The following AUTS2 variants were observed in gnomAD, a reference collection of about 807,000 sequenced individuals.
AUTS2 encodes autism susceptibility gene 2 protein.
Under a neutral mutation model 112.4 loss-of-function variants are expected in AUTS2, and 17 were observed. The observed-to-expected ratio is 0.15, with a 90% confidence interval of 0.10 to 0.23. The LOEUF (loss-of-function observed/expected upper bound fraction) is 0.23. AUTS2 is among the 10% of genes least tolerant of loss of function. The pLI is 1.00. For synonymous variants in AUTS2, 751 were observed against 702.7 expected (o/e 1.07, Z -1.09); for missense variants, 1,510 against 1,701.6 (o/e 0.89, Z 1.98).
At chr7:70,504,905 C>A (rs185860236) in intron 5 of AUTS2, among the ~76,000 whole-genome samples, 209 of 152,328 alleles carry the variant, frequency 1.4e-3, no homozygotes, top group African/African-American at 4.9e-3. Flanking sequence ...TGATTGATAA[C>A]ATTCTACCTT....
chr7:69,911,417 G>A (rs1485661963), intron 2 of AUTS2, among the ~76,000 whole-genome samples: 3 of 152,218 alleles, frequency 2.0e-5, no homozygotes, highest in African/African-American at 7.2e-5. Flanking sequence ...ACTGCAACGT[G>A]GCGAGCAGGG....
intron 6 of AUTS2, among the ~76,000 whole-genome samples, chr7:70,711,043 C>A (rs918298800): frequency 6.6e-6 from 1 of 152,182 alleles, no homozygotes; most frequent in East Asian, 1.9e-4. Flanking sequence ...GCCATTTCCC[C>A]GCTGGTCTTG....
intron 3 of AUTS2, among the ~76,000 whole-genome samples, chr7:70,121,795 T>C (rs1376643612): frequency 6.6e-6 from 1 of 152,106 alleles, no homozygotes; most frequent in African/African-American, 2.4e-5. Flanking sequence ...CTGAAACATA[T>C]AATTACCATA....
At chr7:70,643,044 T>C (rs1459873333) in intron 5 of AUTS2, among the ~76,000 whole-genome samples, 1 of 152,260 alleles carries the variant, frequency 6.6e-6, no homozygotes, top group Non-Finnish European at 1.5e-5. Context: ...GGTTTTGTGA[T>C]ATTCCCGTCT....
At chr7:70,571,249 C>A (rs1003252530) in intron 5 of AUTS2, among the ~76,000 whole-genome samples, 1 of 152,130 alleles carries the variant, frequency 6.6e-6, no homozygotes, top group Non-Finnish European at 1.5e-5. Context: ...GGGTGGATTT[C>A]TCTCTGTGAC....
chr7:70,777,027 G>A (rs557018465), intron 13 of AUTS2, 76 bp from the exon 14 acceptor site: 4 of 1,465,096 alleles, frequency 2.7e-6, no homozygotes, highest in East Asian at 4.5e-5. Context: ...AAAATCTGCT[G>A]AAAGCTTTGG....
intron 2 of AUTS2, among the ~76,000 whole-genome samples, chr7:69,927,186 T>TTATATATATA (rs67558137): frequency 0.031 from 4,475 of 142,296 alleles, 96 homozygotes; most frequent in Non-Finnish European, 0.048. Context: ...TCCAATATAT[T>TTATATATATA]TATATATATA....
At chr7:69,989,713 T>G (rs1798661642) in intron 2 of AUTS2, among the ~76,000 whole-genome samples, 1 of 152,130 alleles carries the variant, frequency 6.6e-6, no homozygotes, top group African/African-American at 2.4e-5. Flanking sequence ...ACATCTGTTT[T>G]CCCTAGAGAA....
intron 4 of AUTS2, among the ~76,000 whole-genome samples, chr7:70,327,406 GT>G (rs1790541702): frequency 6.6e-6 from 1 of 152,154 alleles, no homozygotes; most frequent in East Asian, 1.9e-4. Context: ...CATGAGTTTT[GT>G]GGGAGCTGGA....
chr7:70,287,687 T>C (rs556985559), intron 4 of AUTS2, among the ~76,000 whole-genome samples: 1 of 152,260 alleles, frequency 6.6e-6, no homozygotes, highest in Non-Finnish European at 1.5e-5. Flanking sequence ...TTTTCAGTTG[T>C]GCATTTATTA....
intron 5 of AUTS2, among the ~76,000 whole-genome samples, chr7:70,681,273 G>A (rs17142013): frequency 0.03 from 4,495 of 152,244 alleles, 228 homozygotes; most frequent in African/African-American, 0.1. Context: ...CGGGCCTGGC[G>A]GGAATCCTGT....
intron 5 of AUTS2, among the ~76,000 whole-genome samples, chr7:70,563,790 T>C (rs1801590017): frequency 6.6e-6 from 1 of 152,226 alleles, no homozygotes; most frequent in Non-Finnish European, 1.5e-5. Flanking sequence ...GTTCCCTCAG[T>C]AAAACAGGTG....
At chr7:69,997,918 C>A (rs1169840655) in intron 2 of AUTS2, among the ~76,000 whole-genome samples, 1 of 152,130 alleles carries the variant, frequency 6.6e-6, no homozygotes, top group Non-Finnish European at 1.5e-5. Flanking sequence ...GGTTGAAACT[C>A]GGGGTTTATT....
intron 1 of AUTS2, among the ~76,000 whole-genome samples, chr7:69,693,660 ATCTC>A (rs755202645): frequency 6.6e-6 from 1 of 152,120 alleles, no homozygotes; most frequent in Non-Finnish European, 1.5e-5. Context: ...GTGATATCAT[ATCTC>A]TCTCTCTGTC....
intron 2 of AUTS2, among the ~76,000 whole-genome samples, chr7:69,914,851 C>A (rs2129542207): frequency 6.6e-6 from 1 of 152,134 alleles, no homozygotes. Context: ...AAATTATTGT[C>A]CCACGTGCCC....
chr7:70,340,762 G>A (rs1313735240), intron 4 of AUTS2, among the ~76,000 whole-genome samples: 2 of 152,228 alleles, frequency 1.3e-5, no homozygotes, highest in African/African-American at 4.8e-5. Flanking sequence ...TCATTCCATC[G>A]AGAGAAGTTT....
chr7:69,759,473 A>G (rs1788075894), intron 1 of AUTS2, among the ~76,000 whole-genome samples: 2 of 152,110 alleles, frequency 1.3e-5, no homozygotes, highest in African/African-American at 4.8e-5. Context: ...CACTTGTGGT[A>G]TCATAAAAGT....
At position 70,346,106 on chromosome 7, in the gene AUTS2, A is replaced by T. The variant is rs939763218; in HGVS notation, c.661-89646A>T. Among the ~76,000 whole-genome samples, 3 of 152,242 alleles carry T rather than the reference A, an allele frequency of 2.0e-5. No homozygotes were observed. The South Asian group carries it at 6.2e-4, about 32-fold the overall frequency. The stretch of plus-strand genomic sequence containing the variant: ...TGCAAATTGATCTGCTTTTCCAAAA[A>T]CTATTTATTAAGCATTATTATGTGT... On this transcript the variant is annotated intron_variant, in intron 4 of 18. Transcript: ENST00000342771.
chr7:69,868,965 T>C (rs1793359926), intron 1 of AUTS2, among the ~76,000 whole-genome samples: 1 of 152,190 alleles, frequency 6.6e-6, no homozygotes, highest in African/African-American at 2.4e-5. Context: ...TTTGGTTCAG[T>C]GCATACCTAT....
Sources: gnomAD v4.1 joint callset for allele counts (sites outside exome capture counted in the v4.1 genomes callset) on GRCh38, gnomAD v4.1.1 for gene constraint, MANE v1.5 for transcripts, NCBI Gene and HGNC (gene_info 2026-07-23, HGNC 2026-07-21) for gene names.